The following NUBPL variants were observed in gnomAD, a reference collection of about 807,000 sequenced individuals.
The protein encoded by NUBPL is NUBP iron-sulfur cluster assembly factor, mitochondrial, also known as iron-sulfur cluster transfer protein NUBPL.
In NUBPL, 31 loss-of-function variants were observed where a neutral mutation model predicts 45.7. That is an observed-to-expected ratio of 0.68 (90% CI 0.51 to 0.92). The LOEUF is 0.92. Among genes scored for constraint, NUBPL ranks in the 40% least tolerant of loss-of-function variants. The pLI is 0.00. For synonymous variants in NUBPL, 144 were observed against 140.9 expected (o/e 1.02, Z -0.15); for missense variants, 401 against 398.7 (o/e 1.01, Z -0.05).
Position 31,787,820 on chromosome 14 carries a change from C to CA in NUBPL, c.555dup (p.Pro186ThrfsTer38). ...CTGGACTACTTAGTTGTAGACATGC[C>CA]ACCAGGAACTGGAGATGTGCAGTTA... On this transcript the variant is annotated frameshift_variant, in exon 7 of 11. Coordinates refer to ENST00000281081, the MANE Select transcript of NUBPL (RefSeq NM_025152.3). LOFTEE classifies it high-confidence loss of function. 1.2e-6 allele frequency: 2 copies of CA among 1,613,124 alleles called. No individual in the cohort carries two copies. Among genetic ancestry groups the CA allele is most frequent in the South Asian group, 2.2e-5 (2 of 91,050 alleles).
intron 9 of NUBPL, 166 bp from the exon 10 acceptor site, chr14:31,849,953 G>A: frequency 1.5e-6 from 1 of 650,724 alleles, no homozygotes. Flanking sequence ...TATCTTGTTT[G>A]TAATTCCCAT....
At chr14:31,643,328 A>C (rs544349788) in intron 4 of NUBPL, among the ~76,000 whole-genome samples, 1 of 152,144 alleles carries the variant, frequency 6.6e-6, no homozygotes, top group Non-Finnish European at 1.5e-5. Flanking sequence ...TGTTCCTTCC[A>C]TACCCAGTTT....
At chr14:31,594,556 A>ATTT (rs67341071) in intron 3 of NUBPL, among the ~76,000 whole-genome samples, 1 of 149,968 alleles carries the variant, frequency 6.7e-6, no homozygotes, top group Non-Finnish European at 1.5e-5. Context: ...TAGCCAGGTG[A>ATTT]TTTTTTTTTT....
intron 6 of NUBPL, among the ~76,000 whole-genome samples, chr14:31,682,452 C>G (rs1245353292): frequency 2.0e-5 from 3 of 152,050 alleles, no homozygotes; most frequent in Non-Finnish European, 4.4e-5. Context: ...TTGTATCTTA[C>G]TGTTTTATCC....
intron 6 of NUBPL, among the ~76,000 whole-genome samples, chr14:31,704,592 G>A (rs1280183860): frequency 1.3e-5 from 2 of 152,054 alleles, no homozygotes; most frequent in Non-Finnish European, 2.9e-5. Context: ...GAACCTGGGA[G>A]GCGGAGGTTG....
At chr14:31,711,360 T>C (rs1016698403) in intron 6 of NUBPL, among the ~76,000 whole-genome samples, 2 of 152,156 alleles carry the variant, frequency 1.3e-5, no homozygotes, top group Non-Finnish European at 2.9e-5. Flanking sequence ...CTAGTAGCTT[T>C]TAACTGGCCG....
chr14:31,651,250 A>G (rs2035996232), intron 4 of NUBPL, among the ~76,000 whole-genome samples: 1 of 152,134 alleles, frequency 6.6e-6, no homozygotes, highest in Admixed American at 6.5e-5. Flanking sequence ...CTTGTGCCTC[A>G]GCCAACTGAG....
chr14:31,672,197 G>A (rs2036585793), intron 4 of NUBPL, among the ~76,000 whole-genome samples: 1 of 151,486 alleles, frequency 6.6e-6, no homozygotes, highest in African/African-American at 2.4e-5. Context: ...CTACTTTTGT[G>A]GATTTTTATA....
intron 6 of NUBPL, among the ~76,000 whole-genome samples, chr14:31,706,160 T>A (rs1455322998): frequency 6.1e-5 from 4 of 65,520 alleles, no homozygotes; most frequent in Non-Finnish European, 2.2e-4. Flanking sequence ...CAATCCCCCC[T>A]CTAAACAGGA....
chr14:31,733,620 A>T (rs1236083328), intron 6 of NUBPL, among the ~76,000 whole-genome samples: 1 of 152,168 alleles, frequency 6.6e-6, no homozygotes, highest in African/African-American at 2.4e-5. Context: ...AACATAATTG[A>T]GTTTAGTATA....
rs1220287853 is a variant in NUBPL at position 31,793,848 on chromosome 14, T to A, written c.607+5975T>A. Among the ~76,000 whole-genome samples, 14 of 134,430 alleles carry A rather than the reference T, an allele frequency of 1.0e-4. 1 individual carries two copies. The highest frequency in any genetic ancestry group is 4.5e-4 in the African/African-American group (13 of 28,716). The allele number at this position is 134,430 out of a possible 152,430, so 88.2% of individuals were successfully genotyped here. On this transcript the variant is annotated intron_variant, in intron 7 of 10. Coordinates refer to ENST00000281081, the MANE Select transcript of NUBPL (RefSeq NM_025152.3). ...TCTTTCTTTTTTTTTTTTATTTTTT[T>A]TTTTATTTTTTCCCAATGCTATCCC...
chr14:31,767,472 C>G (rs1011030885), intron 6 of NUBPL, among the ~76,000 whole-genome samples: 1 of 152,128 alleles, frequency 6.6e-6, no homozygotes, highest in Non-Finnish European at 1.5e-5. Context: ...CTCAGCCTCC[C>G]AAAGTGCTGG....
intron 3 of NUBPL, among the ~76,000 whole-genome samples, chr14:31,582,386 CT>C (rs57392617): frequency 3.4e-4 from 47 of 138,920 alleles, no homozygotes; most frequent in Admixed American, 5.0e-4. Flanking sequence ...AATTTGTGTA[CT>C]TTTTTTTTTT....
chr14:31,635,899 A>G (rs1296560057), intron 4 of NUBPL, among the ~76,000 whole-genome samples: 1 of 152,044 alleles, frequency 6.6e-6, no homozygotes, highest in African/African-American at 2.4e-5. Context: ...TTTGTCTGTT[A>G]TTGGTGTGTA....
At chr14:31,733,275 T>C (rs1378366220) in intron 6 of NUBPL, among the ~76,000 whole-genome samples, 2 of 152,212 alleles carry the variant, frequency 1.3e-5, no homozygotes, top group African/African-American at 4.8e-5. Context: ...TACGTGTTCT[T>C]GATTGCTGTA....
Position 31,787,509 on chromosome 14 carries a change from G to A in NUBPL, c.514-271G>A, listed in dbSNP as rs8020874. Among the ~76,000 whole-genome samples the A allele has an allele frequency of 0.12, 18,623 of 152,114 alleles. 3,082 individuals carry two copies. The highest frequency in any genetic ancestry group is 0.38 in the African/African-American group (15,817 of 41,428). On this transcript the variant is annotated intron_variant, in intron 6 of 10. Coordinates refer to ENST00000281081, the MANE Select transcript of NUBPL (RefSeq NM_025152.3). ...AATAAGTGAATGGTCCTGAATAGAA[G>A]CCTACTGAGAAGTGAGTTCAACATT...
rs114349951 is a variant in NUBPL, at chr14:31,837,282, G to A, written c.694-9189G>A. ...TTTGTTTGAGGCTTCAGTGAGCCGT[G>A]ATCACACTACTGCATTCCAGCCTGA... On this transcript the variant is annotated intron_variant, in intron 8 of 10. Transcript: ENST00000281081. 3.9e-5 allele frequency among the ~76,000 whole-genome samples: 6 copies of A among 152,240 alleles called. No individual in the cohort carries two copies. In the East Asian group the frequency reaches 1.2e-3, roughly 29 times the overall value.
Position 31,841,917 on chromosome 14 carries a change from C to CTTTTGTTTTTTTTTTTTTTTTTTTTTT in NUBPL, c.694-4550_694-4549insGTTTTTTTTTTTTTTTTTTTTTTTTTT. Among the ~76,000 whole-genome samples, 110 of 43,052 alleles carry CTTTTGTTTTTTTTTTTTTTTTTTTTTT rather than the reference C, an allele frequency of 2.6e-3. 18 individuals carry two copies. Among genetic ancestry groups the CTTTTGTTTTTTTTTTTTTTTTTTTTTT allele is most frequent in the South Asian group, 3.9e-3 (4 of 1,032 alleles). 28.2% of individuals were successfully genotyped at this position (43,052 alleles called of 152,430 possible). On this transcript the variant is annotated intron_variant, in intron 8 of 10. Transcript: ENST00000281081. ...CTTTCATGTATGGGTCGATTCTGGG[C>CTTTTGTTTTTTTTTTTTTTTTTTTTTT]TTTTTTTTTTTTTTTTTTTTTTTTT...
chr14:31,602,170 A>G (rs1332399053), intron 4 of NUBPL, among the ~76,000 whole-genome samples: 2 of 151,922 alleles, frequency 1.3e-5, no homozygotes, highest in African/African-American at 4.8e-5. Context: ...GTTCTCACTC[A>G]TAGGTGGGAA....
Sources: allele counts gnomAD v4.1 joint callset (sites outside exome capture counted in the v4.1 genomes callset), GRCh38; gene constraint gnomAD v4.1.1; transcripts MANE v1.5; gene names NCBI Gene and HGNC (gene_info 2026-07-23, HGNC 2026-07-21).